The following RIMBP2 variants were observed in gnomAD, a reference collection of about 807,000 sequenced individuals.
The protein encoded by RIMBP2 is RIMS-binding protein 2.
A neutral mutation model predicts 118.6 loss-of-function variants in RIMBP2; 48 were observed. The observed-to-expected ratio is 0.40, with a 90% CI of 0.32 to 0.51. The LOEUF (loss-of-function observed/expected upper bound fraction) is 0.51. Ranked by LOEUF, RIMBP2 falls within the 20% of genes least tolerant of loss-of-function variation. The probability of loss-of-function intolerance (pLI) is 0.41; values close to 1 mark genes in which losing one functional copy is unlikely to be tolerated. For missense variants in RIMBP2, 1,551 were observed against 1,768.3 expected (o/e 0.88, Z 2.20); for synonymous variants, 762 against 742.9 (o/e 1.03, Z -0.42).
intron 2 of RIMBP2, among the ~76,000 whole-genome samples, chr12:130,546,922 T>G (rs1173218393): frequency 1.3e-5 from 2 of 152,186 alleles, no homozygotes; most frequent in Non-Finnish European, 2.9e-5. Flanking sequence ...AATGAGAGGC[T>G]GGCCCTGTGA....
At chr12:130,479,243 C>T (rs2081733335) in intron 4 of RIMBP2, among the ~76,000 whole-genome samples, 1 of 152,256 alleles carries the variant, frequency 6.6e-6, no homozygotes, top group African/African-American at 2.4e-5. Context: ...CACTTCTCCT[C>T]TGCAGGTTCC....
chr12:130,565,102 C>A (rs1004623742), intron 2 of RIMBP2, among the ~76,000 whole-genome samples: 1 of 152,112 alleles, frequency 6.6e-6, no homozygotes, highest in Non-Finnish European at 1.5e-5. Flanking sequence ...TTACTTCCTG[C>A]CCTTTATGAT....
At chr12:130,560,848 C>T (rs2056765154) in intron 2 of RIMBP2, among the ~76,000 whole-genome samples, 1 of 152,218 alleles carries the variant, frequency 6.6e-6, no homozygotes, top group South Asian at 2.1e-4. Context: ...GAGTTGTGCC[C>T]TCACATCCAA....
intron 2 of RIMBP2, among the ~76,000 whole-genome samples, chr12:130,612,343 C>G (rs1481576835): frequency 6.6e-6 from 1 of 152,176 alleles, no homozygotes; most frequent in African/African-American, 2.4e-5. Context: ...TAAAGCATCA[C>G]CTTCTCTCTC....
At chr12:130,558,394 A>G (rs2056544673) in intron 2 of RIMBP2, among the ~76,000 whole-genome samples, 1 of 152,086 alleles carries the variant, frequency 6.6e-6, no homozygotes, top group Non-Finnish European at 1.5e-5. Context: ...GCAAACACAC[A>G]CAGCTGCCGG....
chr12:130,648,718 G>A lies in RIMBP2; in HGVS notation c.-351-20262C>T, dbSNP rs970462131. ...GTTGCCCAGGCTGGAGTGCAGTGGC[G>A]CGATCTCGGCTCACCGCAACCTCCG... On this transcript the variant is annotated intron_variant, in intron 1 of 22. Transcript: ENST00000690449. 3.5e-5 allele frequency among the ~76,000 whole-genome samples: 5 copies of A among 141,428 alleles called. 1 individual carries two copies. Among genetic ancestry groups the A allele is most frequent in the African/African-American group, 1.3e-4 (5 of 39,674 alleles). 92.8% of individuals were successfully genotyped at this position (141,428 alleles called of 152,430 possible).
intron 2 of RIMBP2, among the ~76,000 whole-genome samples, chr12:130,542,854 G>A (rs1276004974): frequency 6.6e-6 from 1 of 152,158 alleles, no homozygotes; most frequent in Non-Finnish European, 1.5e-5. Context: ...TGTTTATGAG[G>A]ATGCTTTAAA....
chr12:130,600,290 G>T (rs889577544), intron 2 of RIMBP2, among the ~76,000 whole-genome samples: 1 of 152,196 alleles, frequency 6.6e-6, no homozygotes, highest in Non-Finnish European at 1.5e-5. Context: ...TAATGGCTAA[G>T]GTCAGCATGA....
intron 2 of RIMBP2, among the ~76,000 whole-genome samples, chr12:130,569,638 G>A (rs1329049978): frequency 6.6e-6 from 1 of 152,168 alleles, no homozygotes; most frequent in Non-Finnish European, 1.5e-5. Flanking sequence ...TCCTGATAGT[G>A]GGTTCTCACG....
intron 1 of RIMBP2, among the ~76,000 whole-genome samples, chr12:130,644,759 G>A (rs1271522588): frequency 2.6e-5 from 4 of 152,188 alleles, no homozygotes; most frequent in African/African-American, 4.8e-5. Flanking sequence ...CAACCACTGC[G>A]TTACTTAGGT....
chr12:130,637,391 GTGAA>G (rs1280374165), intron 1 of RIMBP2, among the ~76,000 whole-genome samples: 1 of 152,236 alleles, frequency 6.6e-6, no homozygotes, highest in Non-Finnish European at 1.5e-5. Flanking sequence ...CACATTTCGA[GTGAA>G]TGAATGAATG....
chr12:130,628,906 C>T (rs2061810959), intron 1 of RIMBP2, among the ~76,000 whole-genome samples: 1 of 152,066 alleles, frequency 6.6e-6, no homozygotes, highest in Non-Finnish European at 1.5e-5. Flanking sequence ...CAGCCGATGA[C>T]AGAAAGAGTT....
chr12:130,559,588 C>T (rs1180056975), intron 2 of RIMBP2, among the ~76,000 whole-genome samples: 2 of 152,180 alleles, frequency 1.3e-5, no homozygotes, highest in Non-Finnish European at 2.9e-5. Flanking sequence ...GTTGATCCTA[C>T]ACCTTGGCGA....
intron 2 of RIMBP2, among the ~76,000 whole-genome samples, chr12:130,558,561 A>G (rs2056556783): frequency 6.6e-6 from 1 of 152,164 alleles, no homozygotes; most frequent in South Asian, 2.1e-4. Flanking sequence ...CAGGGACCCA[A>G]AAAAGAATGA....
At chr12:130,689,295 T>C (rs375910700) in intron 1 of RIMBP2, among the ~76,000 whole-genome samples, 2 of 151,956 alleles carry the variant, frequency 1.3e-5, no homozygotes, top group Non-Finnish European at 2.9e-5. Flanking sequence ...TAGCTGAGTG[T>C]GGTGGTGCGT....
At chr12:130,700,712 G>A (rs1023948923) in intron 1 of RIMBP2, among the ~76,000 whole-genome samples, 3 of 152,214 alleles carry the variant, frequency 2.0e-5, no homozygotes, top group Non-Finnish European at 4.4e-5. Flanking sequence ...AGAACTGGGA[G>A]GGAAGAGATT....
At chr12:130,428,052 C>CA (rs1375104025) in intron 15 of RIMBP2, 127 bp downstream of exon 15, 1 of 849,922 alleles carries the variant, frequency 1.2e-6, no homozygotes, top group African/African-American at 1.7e-5. Context: ...GAAGCGAATC[C>CA]AAATCCGAGG....
At chr12:130,503,899 A>AT (rs528430726) in intron 4 of RIMBP2, among the ~76,000 whole-genome samples, 109 of 152,280 alleles carry the variant, frequency 7.2e-4, no homozygotes, top group African/African-American at 2.6e-3. Context: ...ATATTTAATG[A>AT]TTTTGGTAAT....
In RIMBP2 at chr12:130,397,441, T is replaced by C. The variant is rs967199649; in HGVS notation, c.4009A>G (p.Arg1337Gly). The C allele has an allele frequency of 1.3e-5, 5 of 398,966 alleles. No homozygotes were observed. Among genetic ancestry groups the C allele is most frequent in the African/African-American group, 4.1e-5 (2 of 48,614 alleles). The allele number at this position is 398,966 out of a possible 1,614,324, so 24.7% of individuals were successfully genotyped here. A position where few individuals can be genotyped will look rare whatever the true frequency, so the allele number is the denominator to read the frequency against. The change falls in exon 23 of 23, where the codon AGG becomes GGG. Residue 1337 changes from arginine (R) to glycine (G), a missense_variant. By Grantham distance (125) the Arg-to-Gly change is moderately radical. Transcript: ENST00000690449. ...TTTTTCTTTTTCGAGGACATTTCCC[T>C]GCCTCTCCCAGGACTACCAGAACCC... ...SMGSGSPGRGREMSSKKKKGL... is the reference protein window; with the variant it reads ...SMGSGSPGRGGEMSSKKKKGL...
Sources: gnomAD v4.1 joint callset for allele counts (sites outside exome capture counted in the v4.1 genomes callset) on GRCh38, gnomAD v4.1.1 for gene constraint, MANE v1.5 for transcripts, NCBI Gene and HGNC (gene_info 2026-07-23, HGNC 2026-07-21) for gene names.